The following EDIL3 variants were observed in gnomAD, a reference collection of about 807,000 sequenced individuals.
The protein encoded by EDIL3 is EGF-like repeat and discoidin I-like domain-containing protein 3.
EDIL3 carries 37 observed loss-of-function variants against 67.4 expected under a neutral mutation model. That is an observed-to-expected ratio of 0.55 (90% CI 0.42 to 0.72). The LOEUF (loss-of-function observed/expected upper bound fraction) is 0.72, where lower values mean the gene tolerates loss of function less well. EDIL3 is among the 30% of genes least tolerant of loss of function. The probability of loss-of-function intolerance (pLI) is 0.00; values close to 1 mark genes in which losing one functional copy is unlikely to be tolerated. For synonymous variants in EDIL3, 195 were observed against 196.3 expected (o/e 0.99, Z 0.05); for missense variants, 527 against 586.3 (o/e 0.90, Z 1.04).
At position 84,089,476 on chromosome 5, in the gene EDIL3, A is replaced by G. The variant is rs1747126893; in HGVS notation, c.651+17173T>C. On this transcript the variant is annotated intron_variant, in intron 6 of 10. Coordinates refer to ENST00000296591, the MANE Select transcript of EDIL3 (RefSeq NM_005711.5). ...TCCTTATATCTGCCTCCAGGCAGTT[A>G]GCTGTAAAAGCCTCCTAGCTGGTAT... Among the ~76,000 whole-genome samples, 4 of 152,194 alleles carry G rather than the reference A, an allele frequency of 2.6e-5. No homozygotes were observed. The South Asian group carries it at 8.3e-4, about 31-fold the overall frequency.
chr5:84,180,407 A>G lies in EDIL3; in HGVS notation c.341T>C (p.Ile114Thr). Residue 114 changes from isoleucine (I) to threonine (T), a missense_variant, in exon 4 of 11, where the codon ATT becomes ACT. By Grantham distance (89) the Ile-to-Thr change is moderately conservative. Transcript: ENST00000296591. ...VCKCPRGFNG[I>T]HCQHNINECE... ...GAATAACTTACTGTGCTGACAGTGAATCCCATTAAATCCTCGGGGACATTT... is the reference window on the plus strand; with the variant it reads ...GAATAACTTACTGTGCTGACAGTGAGTCCCATTAAATCCTCGGGGACATTT... 6.3e-7 allele frequency: 1 copy of G among 1,598,338 alleles called. No homozygotes were observed. Among genetic ancestry groups the G allele is most frequent in the Admixed American group, 1.8e-5 (1 of 56,964 alleles).
At chr5:84,263,910 G>T (rs899846543) in intron 1 of EDIL3, among the ~76,000 whole-genome samples, 15 of 152,178 alleles carry the variant, frequency 9.9e-5, no homozygotes, top group Admixed American at 3.3e-4. Context: ...CAAGGAGGAA[G>T]ATGTACCAGG....
intron 1 of EDIL3, among the ~76,000 whole-genome samples, chr5:84,309,026 A>G (rs1054793002): frequency 2.0e-5 from 3 of 152,186 alleles, no homozygotes; most frequent in African/African-American, 7.2e-5. Context: ...ATAAAGATAC[A>G]GAACTCAATA....
chr5:84,043,463 T>A (rs1338216822), intron 9 of EDIL3, among the ~76,000 whole-genome samples: 1 of 152,214 alleles, frequency 6.6e-6, no homozygotes, highest in Non-Finnish European at 1.5e-5. Flanking sequence ...CGCAGTGAAC[T>A]GGAAAACCAA....
intron 2 of EDIL3, among the ~76,000 whole-genome samples, chr5:84,243,431 T>G (rs970031278): frequency 2.0e-5 from 3 of 152,242 alleles, no homozygotes; most frequent in African/African-American, 7.2e-5. Flanking sequence ...GGTTAAAAGA[T>G]AGCTAAGTTG....
Position 84,180,527 on chromosome 5 carries a change from A to G in EDIL3, c.227-6T>C, listed in dbSNP as rs1748997165. 6.4e-7 allele frequency: 1 copy of G among 1,561,586 alleles called. No homozygotes were observed. Among genetic ancestry groups the G allele is most frequent in the East Asian group, 2.3e-5 (1 of 43,602 alleles). ...TGGATTAGGAGTGCAGGGACCTGAA[A>G]GACAGAAAAAAATATTTCTGCTTGA... On this transcript the variant is annotated splice_polypyrimidine_tract_variant and splice_region_variant and intron_variant, in intron 3 of 10. Transcript: ENST00000296591.
chr5:84,064,888 T>A, intron 7 of EDIL3, 44 bp from the exon 8 acceptor site: 1 of 1,569,630 alleles, frequency 6.4e-7, no homozygotes, highest in Non-Finnish European at 8.6e-7. Context: ...ACAGCTTATT[T>A]ACCTATTTTT....
rs911729010 is a variant in EDIL3, at chr5:84,090,572, G to T, written c.651+16077C>A. Among the ~76,000 whole-genome samples, 15 of 152,126 alleles carry T rather than the reference G, an allele frequency of 9.9e-5. No individual in the cohort carries two copies. In the South Asian group the frequency reaches 1.7e-3, roughly 17 times the overall value. On this transcript the variant is annotated intron_variant, in intron 6 of 10. Transcript: ENST00000296591. ...TAAGGTTGGGAACCATATTTAAAAA[G>T]CTCTTCAGATAATTTTTATGTGGTT...
At chr5:84,148,150 C>T (rs1461885422) in intron 4 of EDIL3, among the ~76,000 whole-genome samples, 1 of 151,936 alleles carries the variant, frequency 6.6e-6, no homozygotes, top group Non-Finnish European at 1.5e-5. Context: ...TATAACTGTC[C>T]TTATTATTAT....
At chr5:84,153,584 T>G (rs1200802275) in intron 4 of EDIL3, among the ~76,000 whole-genome samples, 1 of 152,014 alleles carries the variant, frequency 6.6e-6, no homozygotes, top group Admixed American at 6.5e-5. Flanking sequence ...TGTCTCAGCC[T>G]CCTGAGTAGC....
chr5:84,168,941 G>A (rs1022930188), intron 4 of EDIL3, among the ~76,000 whole-genome samples: 13 of 152,028 alleles, frequency 8.6e-5, no homozygotes, highest in Admixed American at 1.3e-4. Context: ...TGGCTTACAC[G>A]TCCTTGACTA....
At chr5:84,079,717 G>A (rs1746928106) in intron 6 of EDIL3, among the ~76,000 whole-genome samples, 1 of 151,934 alleles carries the variant, frequency 6.6e-6, no homozygotes, top group Admixed American at 6.6e-5. Context: ...TTCCCAGACA[G>A]TTCTAAATAG....
intron 4 of EDIL3, among the ~76,000 whole-genome samples, chr5:84,151,202 G>A (rs757911274): frequency 2.0e-5 from 3 of 151,592 alleles, no homozygotes; most frequent in Non-Finnish European, 2.9e-5. Flanking sequence ...TTCAAAAAGT[G>A]ATTTTTATAA....
chr5:84,050,911 A>G (rs1255211780), intron 9 of EDIL3, among the ~76,000 whole-genome samples: 1 of 152,230 alleles, frequency 6.6e-6, no homozygotes, highest in African/African-American at 2.4e-5. Context: ...AACAAAAGGC[A>G]GTAGAAACCT....
chr5:84,217,140 CAAA>C (rs33931531), intron 3 of EDIL3, among the ~76,000 whole-genome samples: 3,071 of 136,090 alleles, frequency 0.023, 41 homozygotes, highest in African/African-American at 0.048. Context: ...CAAGGACAGC[CAAA>C]AAAAAAAAAA....
At chr5:84,192,529 C>CT (rs1743614389) in intron 3 of EDIL3, among the ~76,000 whole-genome samples, 1 of 151,878 alleles carries the variant, frequency 6.6e-6, no homozygotes, top group South Asian at 2.1e-4. Context: ...CCTAGATAGC[C>CT]CAAAGTTTCA....
chr5:84,127,954 C>G (rs905349677), intron 5 of EDIL3, among the ~76,000 whole-genome samples: 2 of 152,096 alleles, frequency 1.3e-5, no homozygotes, highest in Non-Finnish European at 2.9e-5. Context: ...TCAGGATGTC[C>G]CAATTGCACC....
At chr5:84,269,140 G>A (rs1354588397) in intron 1 of EDIL3, among the ~76,000 whole-genome samples, 1 of 151,988 alleles carries the variant, frequency 6.6e-6, no homozygotes, top group Non-Finnish European at 1.5e-5. Context: ...TCACACGAAT[G>A]GACAGAAATG....
intron 6 of EDIL3, among the ~76,000 whole-genome samples, chr5:84,102,233 A>G (rs1747380456): frequency 6.6e-6 from 1 of 152,130 alleles, no homozygotes; most frequent in South Asian, 2.1e-4. Flanking sequence ...AAAAGATGGA[A>G]GCATTCCTCT....
Sources: gnomAD v4.1 joint callset for allele counts (sites outside exome capture counted in the v4.1 genomes callset) on GRCh38, gnomAD v4.1.1 for gene constraint, MANE v1.5 for transcripts, NCBI Gene and HGNC (gene_info 2026-07-23, HGNC 2026-07-21) for gene names.